SLC22A3: variants seen among roughly 807,000 people sequenced by gnomAD.
The protein encoded by SLC22A3 is EMT organic cation transporter 3.
A neutral mutation model predicts 59.1 loss-of-function variants in SLC22A3; 51 were observed. The observed-to-expected ratio is 0.86, with a 90% CI of 0.69 to 1.09. The LOEUF (loss-of-function observed/expected upper bound fraction) is 1.09, where lower values mean the gene tolerates loss of function less well. Among genes scored for constraint, SLC22A3 ranks in the 50% least tolerant of loss-of-function variants. The probability of loss-of-function intolerance (pLI) is 0.00; values close to 1 mark genes in which losing one functional copy is unlikely to be tolerated. For synonymous variants in SLC22A3, 325 were observed against 292.0 expected (o/e 1.11, Z -1.15); for missense variants, 711 against 726.3 (o/e 0.98, Z 0.24).
At chr6:160,374,136 A>G (rs1464240668) in intron 1 of SLC22A3, among the ~76,000 whole-genome samples, 1 of 152,232 alleles carries the variant, frequency 6.6e-6, no homozygotes, top group Non-Finnish European at 1.5e-5. Flanking sequence ...TCCTGGTGGT[A>G]TAGGCACCCG....
intron 8 of SLC22A3, among the ~76,000 whole-genome samples, chr6:160,443,203 C>T (rs1333186370): frequency 6.6e-6 from 1 of 152,266 alleles, no homozygotes; most frequent in Non-Finnish European, 1.5e-5. Context: ...TGCTGCAAGA[C>T]TATGGCCTCT....
chr6:160,443,806 T>A (rs933923704), intron 9 of SLC22A3, 64 bp downstream of exon 9: 2 of 846,228 alleles, frequency 2.4e-6, no homozygotes, highest in Non-Finnish European at 3.6e-6. Context: ...AAGAGACCTA[T>A]AATAATTGTT....
chr6:160,443,490 T>G (rs889505448), intron 8 of SLC22A3, 140 bp from the exon 9 acceptor site: 1 of 674,778 alleles, frequency 1.5e-6, no homozygotes, highest in African/African-American at 1.8e-5. Flanking sequence ...CTTAGAGTTC[T>G]GAGAGTAGTC....
At chr6:160,380,280 T>G (rs570355043) in intron 1 of SLC22A3, among the ~76,000 whole-genome samples, 1 of 152,268 alleles carries the variant, frequency 6.6e-6, no homozygotes, top group Admixed American at 6.5e-5. Flanking sequence ...TTATTTTTCT[T>G]CCTATGACTT....
chr6:160,356,378 G>A (rs1204252836), intron 1 of SLC22A3, among the ~76,000 whole-genome samples: 1 of 152,246 alleles, frequency 6.6e-6, no homozygotes, highest in East Asian at 1.9e-4. Flanking sequence ...GTGTGACCTG[G>A]AACATGAAAG....
intron 1 of SLC22A3, among the ~76,000 whole-genome samples, chr6:160,356,326 T>C (rs1382622287): frequency 1.3e-5 from 2 of 152,222 alleles, no homozygotes; most frequent in African/African-American, 2.4e-5. Context: ...TTGACTCCTA[T>C]CTGCTCATGG....
At chr6:160,358,857 G>A (rs1348021042) in intron 1 of SLC22A3, among the ~76,000 whole-genome samples, 1 of 152,184 alleles carries the variant, frequency 6.6e-6, no homozygotes, top group Non-Finnish European at 1.5e-5. Context: ...GAGGGACGCT[G>A]GGACAGAGCC....
At position 160,428,851 on chromosome 6, in the gene SLC22A3, G is replaced by A. The variant is rs192083459; in HGVS notation, c.976-7929G>A. 2.6e-5 allele frequency among the ~76,000 whole-genome samples: 4 copies of A among 152,310 alleles called. No individual in the cohort carries two copies. The East Asian group carries it at 7.7e-4, about 29-fold the overall frequency. ...CTACTCTTGTTTTAAAGGATAAGGA[G>A]GTTTTCAAAAATTGCCGAAGTACTA... On this transcript the variant is annotated intron_variant, in intron 5 of 10. Coordinates refer to ENST00000275300, the MANE Select transcript of SLC22A3 (RefSeq NM_021977.4).
chr6:160,378,796 G>A (rs757978495), intron 1 of SLC22A3, among the ~76,000 whole-genome samples: 16 of 152,130 alleles, frequency 1.1e-4, no homozygotes, highest in Non-Finnish European at 2.4e-4. Flanking sequence ...AGCCTATTTT[G>A]TAATAAAGGG....
At chr6:160,362,754 G>A (rs928801488) in intron 1 of SLC22A3, among the ~76,000 whole-genome samples, 3 of 152,204 alleles carry the variant, frequency 2.0e-5, no homozygotes, top group Non-Finnish European at 2.9e-5. Flanking sequence ...GTTCCCCCAC[G>A]CTCCAGCGCC....
chr6:160,399,028 C>A (rs535007772), intron 2 of SLC22A3, among the ~76,000 whole-genome samples: 2 of 152,180 alleles, frequency 1.3e-5, no homozygotes, highest in Admixed American at 6.5e-5. Flanking sequence ...CAACAAAAGG[C>A]CCCATATCCT....
intron 1 of SLC22A3, among the ~76,000 whole-genome samples, chr6:160,370,274 G>A (rs1785352703): frequency 6.6e-6 from 1 of 152,200 alleles, no homozygotes; most frequent in Non-Finnish European, 1.5e-5. Flanking sequence ...TGAAGGTGGG[G>A]CAAAGTTTTG....
At chr6:160,425,276 A>C (rs1320086049) in intron 5 of SLC22A3, among the ~76,000 whole-genome samples, 2 of 152,182 alleles carry the variant, frequency 1.3e-5, no homozygotes. Flanking sequence ...GTTTAGAAAA[A>C]CTATTTTAAT....
Position 160,408,871 on chromosome 6 carries a change from A to C in SLC22A3, c.807A>C (p.Gly269=). ...GIAYFIPNWQ[G]IQLAITLPSF... is the part of the protein sequence containing the mutation. ...CCTACTTCATCCCCAACTGGCAAGG[A>C]ATCCAGTTAGCCATCACGCTGCCCA... The change falls in exon 4 of 11, where the codon GGA becomes GGC. Residue 269 remains glycine, a synonymous_variant. Coordinates refer to ENST00000275300, the MANE Select transcript of SLC22A3 (RefSeq NM_021977.4). The C allele has an allele frequency of 6.2e-7, 1 of 1,613,854 alleles. No individual in the cohort carries two copies. The highest frequency in any genetic ancestry group is 8.5e-7 in the Non-Finnish European group (1 of 1,179,852).
intron 1 of SLC22A3, among the ~76,000 whole-genome samples, chr6:160,359,014 C>T (rs1784933838): frequency 6.6e-6 from 1 of 152,202 alleles, no homozygotes; most frequent in Admixed American, 6.5e-5. Context: ...ATATGAACAA[C>T]AAAAGTGCCC....
intron 1 of SLC22A3, among the ~76,000 whole-genome samples, chr6:160,383,674 C>T (rs1330922420): frequency 6.6e-6 from 1 of 152,068 alleles, no homozygotes; most frequent in African/African-American, 2.4e-5. Flanking sequence ...CCACTCAGAA[C>T]TTTAGGTCAG....
At position 160,394,462 on chromosome 6, in the gene SLC22A3, C is replaced by T. The variant is rs529742755; in HGVS notation, c.430-3517C>T. On this transcript the variant is annotated intron_variant, in intron 1 of 10. Coordinates refer to ENST00000275300, the MANE Select transcript of SLC22A3 (RefSeq NM_021977.4). The stretch of plus-strand genomic sequence containing the variant: ...AGAGCTGATTAGGAAGCGTCAGCCC[C>T]TAGAGGCAGAGGTCTGCCCCCTGAC... 5.3e-5 allele frequency among the ~76,000 whole-genome samples: 8 copies of T among 152,358 alleles called. No individual in the cohort carries two copies. The Middle Eastern group carries it at 0.01, about 194-fold the overall frequency.
chr6:160,435,894 G>A (rs1364614707), intron 5 of SLC22A3, among the ~76,000 whole-genome samples: 1 of 152,144 alleles, frequency 6.6e-6, no homozygotes. Context: ...ACTTTGCTTG[G>A]TGTGACAATG....
intron 5 of SLC22A3, among the ~76,000 whole-genome samples, chr6:160,420,904 C>A (rs1167577676): frequency 3.3e-5 from 5 of 152,344 alleles, no homozygotes; most frequent in Non-Finnish European, 7.3e-5. Flanking sequence ...GGATTGGGGG[C>A]AGGTTGCTGA....
Sources: gnomAD v4.1 joint callset for allele counts (sites outside exome capture counted in the v4.1 genomes callset) on GRCh38, gnomAD v4.1.1 for gene constraint, MANE v1.5 for transcripts, NCBI Gene and HGNC (gene_info 2026-07-23, HGNC 2026-07-21) for gene names.